The following DRC11 variants were observed in gnomAD, a reference collection of about 807,000 sequenced individuals.
The protein encoded by DRC11 is dynein regulatory complex subunit 11, also known as IQ and AAA domain-containing protein 1.
At chr2:236,468,698 A>G in the DRC11 span, among the ~76,000 whole-genome samples, 1 of 152,246 alleles carries the variant, frequency 6.6e-6, no homozygotes, top group Non-Finnish European at 1.5e-5. Context: ...AGACAGAAGC[A>G]TAAATTCATA....
At chr2:236,503,755 C>T in the DRC11 span, 31 of 1,473,622 alleles carry the variant, frequency 2.1e-5, no homozygotes, top group African/African-American at 3.8e-4. This position sits in a 1 kb window ranked among gnomAD's most constrained non-coding sequence, Gnocchi z 4.9. Context: ...CACCCCCTCC[C>T]ACACTGGACC....
At chr2:236,367,606 A>AAG in the DRC11 span, 1 of 152,270 alleles carries the variant, frequency 6.6e-6, no homozygotes, top group African/African-American at 2.4e-5. This position sits in a 1 kb window ranked among gnomAD's most constrained non-coding sequence, Gnocchi z 4.8. Context: ...AAAAAAAAAA[A>AAG]GAAAAAAGCG....
chr2:236,424,121 C>T, the DRC11 span, among the ~76,000 whole-genome samples: 2 of 151,738 alleles, frequency 1.3e-5, no homozygotes, highest in Non-Finnish European at 2.9e-5. Flanking sequence ...TTAGTGGGTG[C>T]AGCACACCAG....
chr2:236,400,062 T>C, the DRC11 span, among the ~76,000 whole-genome samples: 1 of 152,202 alleles, frequency 6.6e-6, no homozygotes, highest in Non-Finnish European at 1.5e-5. This position sits in a 1 kb window ranked among gnomAD's most constrained non-coding sequence, Gnocchi z 7.9. Flanking sequence ...CTCTAAAGGC[T>C]GAGTTCCTAG....
chr2:236,350,896 T>A, the DRC11 span, among the ~76,000 whole-genome samples: 18 of 152,132 alleles, frequency 1.2e-4, no homozygotes, highest in Non-Finnish European at 1.8e-4. The surrounding 1 kb of genome is among the most constrained non-coding windows in gnomAD (Gnocchi z 5.2). Flanking sequence ...TGTTCAGGTC[T>A]GGCCAGAAAG....
chr2:236,355,328 A>G, the DRC11 span, among the ~76,000 whole-genome samples: 1 of 152,202 alleles, frequency 6.6e-6, no homozygotes, highest in Non-Finnish European at 1.5e-5. Context: ...GGAGCAGGCT[A>G]TGTGGGCGCT....
the DRC11 span, among the ~76,000 whole-genome samples, chr2:236,434,407 C>A: frequency 1.3e-5 from 2 of 152,226 alleles, no homozygotes; most frequent in African/African-American, 4.8e-5. The surrounding 1 kb of genome is among the most constrained non-coding windows in gnomAD (Gnocchi z 5.5). Flanking sequence ...ACGTTAGTAA[C>A]AACTGCTACG....
At chr2:236,497,120 T>C in the DRC11 span, 1 of 1,431,178 alleles carries the variant, frequency 7.0e-7, no homozygotes, top group Non-Finnish European at 9.4e-7. This position sits in a 1 kb window ranked among gnomAD's most constrained non-coding sequence, Gnocchi z 5.1. Context: ...ATCTTATTTA[T>C]AACAAAAAAA....
chr2:236,358,642 C>T, the DRC11 span, among the ~76,000 whole-genome samples: 1 of 145,062 alleles, frequency 6.9e-6, no homozygotes, highest in Non-Finnish European at 1.5e-5. Flanking sequence ...GATCTCTGCC[C>T]TGGAGTCAGG....
chr2:236,507,417 ATCT>A, the DRC11 span: 87 of 761,322 alleles, frequency 1.1e-4, no homozygotes, highest in East Asian at 2.3e-3. Flanking sequence ...GACTGCGAGA[ATCT>A]TCTGCTTCGG....
chr2:236,391,931 G>A, the DRC11 span: 1 of 1,543,070 alleles, frequency 6.5e-7, no homozygotes, highest in Non-Finnish European at 9.0e-7. This position sits in a 1 kb window ranked among gnomAD's most constrained non-coding sequence, Gnocchi z 4.5. Context: ...TTTCATGACT[G>A]AATCCGCTCC....
At chr2:236,403,494 T>C in the DRC11 span, among the ~76,000 whole-genome samples, 1 of 151,424 alleles carries the variant, frequency 6.6e-6, no homozygotes, top group Non-Finnish European at 1.5e-5. Context: ...GGGACATCAC[T>C]CTGGCTGGAA....
chr2:236,347,488 G>A, the DRC11 span, among the ~76,000 whole-genome samples: 1 of 119,628 alleles, frequency 8.4e-6, no homozygotes, highest in Non-Finnish European at 1.9e-5. Flanking sequence ...GCCCATCAAC[G>A]AGTGGATAAA....
At chr2:236,357,652 A>G in the DRC11 span, among the ~76,000 whole-genome samples, 2,488 of 93,240 alleles carry the variant, frequency 0.027, 131 homozygotes, top group East Asian at 0.23. Flanking sequence ...AAATATATAA[A>G]TTATATTCAT....
At chr2:236,458,586 C>G in the DRC11 span, among the ~76,000 whole-genome samples, 8 of 152,172 alleles carry the variant, frequency 5.3e-5, no homozygotes, top group African/African-American at 1.9e-4. Context: ...ATTTTATTGG[C>G]ATCACCTCAT....
At chr2:236,395,177 G>A in the DRC11 span, among the ~76,000 whole-genome samples, 3 of 152,142 alleles carry the variant, frequency 2.0e-5, no homozygotes, top group African/African-American at 4.8e-5. Context: ...TGACTGCAGA[G>A]GTGAGGCCAA....
chr2:236,351,461 A>G, the DRC11 span, among the ~76,000 whole-genome samples: 1 of 152,266 alleles, frequency 6.6e-6, no homozygotes, highest in East Asian at 1.9e-4. The surrounding 1 kb of genome is among the most constrained non-coding windows in gnomAD (Gnocchi z 7.3). Flanking sequence ...AGGTATCCTC[A>G]CCTGGGGCAC....
chr2:236,497,345 T>C, the DRC11 span: 1 of 1,613,988 alleles, frequency 6.2e-7, no homozygotes, highest in Non-Finnish European at 8.5e-7. The surrounding 1 kb of genome is among the most constrained non-coding windows in gnomAD (Gnocchi z 5.1). Flanking sequence ...TTTCTAAAGA[T>C]CTGCACATAC....
chr2:236,327,268 T>C, the DRC11 span, among the ~76,000 whole-genome samples: 22 of 152,338 alleles, frequency 1.4e-4, no homozygotes, highest in East Asian at 4.2e-3. Context: ...TTTTTGTTTT[T>C]GTTTTTGAGA....
Sources: gnomAD v4.1 joint callset for allele counts (sites outside exome capture counted in the v4.1 genomes callset) on GRCh38, gnomAD v4.1.1 for gene constraint, Gnocchi (gnomAD v3.1) non-coding constraint, MANE v1.5 for transcripts, NCBI Gene and HGNC (gene_info 2026-07-23, HGNC 2026-07-21) for gene names.